The following ATAD2 variants were observed in gnomAD, a reference collection of about 807,000 sequenced individuals.
ATAD2 encodes ATPase family AAA domain-containing protein 2.
In ATAD2, 62 loss-of-function variants were observed where a neutral mutation model predicts 168.9. That is an observed-to-expected ratio of 0.37 (90% CI 0.30 to 0.45). The LOEUF (loss-of-function observed/expected upper bound fraction) is 0.45, where lower values mean the gene tolerates loss of function less well. Among genes scored for constraint, ATAD2 ranks in the 20% least tolerant of loss-of-function variants. The probability of loss-of-function intolerance (pLI) is 1.00; values close to 1 mark genes in which losing one functional copy is unlikely to be tolerated. For missense variants in ATAD2, 1,419 were observed against 1,667.8 expected, an observed-to-expected ratio of 0.85 and a Z score of 2.60; for synonymous variants, 613 against 571.6, an observed-to-expected ratio of 1.07 and a Z score of -1.03.
chr8:123,327,935 A>G (rs1035833910), intron 25 of ATAD2, among the ~76,000 whole-genome samples: 2 of 152,228 alleles, frequency 1.3e-5, no homozygotes, highest in Non-Finnish European at 2.9e-5. Flanking sequence ...ACAGGCTGAC[A>G]AGTTAAGTAT....
intron 8 of ATAD2, among the ~76,000 whole-genome samples, 158 bp downstream of exon 8, chr8:123,368,899 TA>T (rs1160453601): frequency 6.6e-6 from 1 of 152,102 alleles, no homozygotes; most frequent in Non-Finnish European, 1.5e-5. Context: ...TAGTCAGTGG[TA>T]CTGGGGATTA....
Position 123,346,710 on chromosome 8 carries a change from A to G in ATAD2, c.2253T>C (p.Ser751=). Residue 751 remains serine (S), a synonymous_variant, in exon 17 of 28, where the codon AGT becomes AGC. Coordinates refer to ENST00000287394, the MANE Select transcript of ATAD2 (RefSeq NM_014109.4). ...CPLLESDLAY[S]DDDVPSVYEN... is the part of the protein sequence containing the mutation. ...CATAAACTGATGGAACATCATCATC[A>G]CTGTAAGCCAAGTCACTTTCTAGCA... is the stretch of plus-strand genomic sequence containing the variant. 1 of 1,594,976 alleles carries G rather than the reference A, an allele frequency of 6.3e-7. No homozygotes were observed. Among genetic ancestry groups the G allele is most frequent in the Non-Finnish European group, 8.5e-7 (1 of 1,173,130 alleles).
intron 1 of ATAD2, among the ~76,000 whole-genome samples, chr8:123,389,379 T>TGC (rs1829743842): frequency 7.0e-6 from 1 of 143,518 alleles, no homozygotes; most frequent in Admixed American, 6.9e-5. Flanking sequence ...GTGGCTCACA[T>TGC]CTGTAATCCC....
intron 12 of ATAD2, among the ~76,000 whole-genome samples, chr8:123,356,987 A>G (rs1323004422): frequency 6.6e-6 from 1 of 152,218 alleles, no homozygotes; most frequent in Non-Finnish European, 1.5e-5. Context: ...TTATTGAACT[A>G]TGGAAACAAG....
chr8:123,366,670 T>C (rs923165381), intron 8 of ATAD2, among the ~76,000 whole-genome samples: 1 of 152,040 alleles, frequency 6.6e-6, no homozygotes, highest in East Asian at 1.9e-4. Context: ...CACTAATAAG[T>C]GGGAGCTAAG....
chr8:123,349,323 A>G lies in ATAD2; in HGVS notation c.1768T>C (p.Phe590Leu), dbSNP rs1738593909. 9.9e-6 allele frequency: 16 copies of G among 1,613,992 alleles called. No homozygotes were observed. Among genetic ancestry groups the G allele is most frequent in the Non-Finnish European group, 1.4e-5 (16 of 1,179,980 alleles). The part of the protein sequence containing the change: ...IDPALRRPGR[F>L]DREFLFSLPD... ...AGGCTAAAGAGGAATTCTCTATCAA[A>G]GCGACCAGGCCTTCGTAAAGCAGGA... is the stretch of plus-strand genomic sequence containing the variant. Residue 590 changes from phenylalanine (F) to leucine (L), a missense_variant, in exon 14 of 28, where the codon TTT (phenylalanine) becomes CTT (leucine). By Grantham distance (22) the Phe-to-Leu change is conservative. Coordinates refer to ENST00000287394, the MANE Select transcript of ATAD2 (RefSeq NM_014109.4).
chr8:123,321,246 T>C, intron 27 of ATAD2, 71 bp from the exon 28 acceptor site: 2 of 1,314,680 alleles, frequency 1.5e-6, no homozygotes, highest in Non-Finnish European at 1.1e-6. Context: ...TTTCATTACT[T>C]TTTCAGTAAA....
chr8:123,382,626 AAAGTTC>A (rs1291268502), intron 1 of ATAD2, among the ~76,000 whole-genome samples: 9 of 152,356 alleles, frequency 5.9e-5, no homozygotes, highest in African/African-American at 2.2e-4. Flanking sequence ...TTTAAAAAAG[AAAGTTC>A]TAAAACCACA....
upstream of ATAD2, among the ~76,000 whole-genome samples, chr8:123,398,484 G>A (rs1312561982): frequency 1.3e-5 from 2 of 151,550 alleles, no homozygotes; most frequent in Non-Finnish European, 2.9e-5. Flanking sequence ...ACCTGCCTTG[G>A]CCTCCCAAAG....
At chr8:123,389,980 A>ATG in intron 1 of ATAD2, among the ~76,000 whole-genome samples, 1 of 110,782 alleles carries the variant, frequency 9.0e-6, no homozygotes, top group South Asian at 2.6e-4. Flanking sequence ...ATATATATAT[A>ATG]TATATTTTTT....
chr8:123,366,367 G>A lies in ATAD2; in HGVS notation c.1049+2691C>T, dbSNP rs571060529. 3.3e-5 allele frequency among the ~76,000 whole-genome samples: 5 copies of A among 152,272 alleles called. No homozygotes were observed. In the East Asian group the frequency reaches 7.7e-4, roughly 23 times the overall value. ...AAACAGTGTGGAGATTCCCTAAAGA[G>A]TTAAAAGTAGAACTACCATTTGATC... On this transcript the variant is annotated intron_variant, in intron 8 of 27. Transcript: ENST00000287394.
intron 24 of ATAD2, 132 bp downstream of exon 24, chr8:123,333,746 T>C (rs1479361027): frequency 1.2e-5 from 12 of 1,032,064 alleles, no homozygotes; most frequent in Non-Finnish European, 1.6e-5. Context: ...GAATGCAAAG[T>C]TGTCTTAATA....
intron 1 of ATAD2, 122 bp downstream of exon 1, chr8:123,396,065 A>C: frequency 8.7e-7 from 1 of 1,150,724 alleles, no homozygotes; most frequent in Non-Finnish European, 1.2e-6. Flanking sequence ...CCTCGACCAC[A>C]CTTCTCCCCC....
At chr8:123,379,870 G>GTAT (rs200843075) in intron 2 of ATAD2, among the ~76,000 whole-genome samples, 14,394 of 135,162 alleles carry the variant, frequency 0.11, 1,098 homozygotes, top group East Asian at 0.24. Context: ...GCCCGGCCAC[G>GTAT]TATTATTATT....
At chr8:123,416,207 T>G (rs563279821) in intron 1 of ATAD2, 1 of 152,428 alleles carries the variant, frequency 6.6e-6, no homozygotes, top group African/African-American at 2.4e-5. Flanking sequence ...TGCAGAAGCG[T>G]GGATTTTCAC....
chr8:123,385,838 A>T (rs534396834), intron 1 of ATAD2, among the ~76,000 whole-genome samples: 1 of 152,146 alleles, frequency 6.6e-6, no homozygotes, highest in Non-Finnish European at 1.5e-5. Flanking sequence ...ATATTTAAAG[A>T]ACTCCTTTGC....
chr8:123,358,530 T>C (rs1223692976), intron 11 of ATAD2, among the ~76,000 whole-genome samples: 4 of 151,914 alleles, frequency 2.6e-5, no homozygotes, highest in Non-Finnish European at 5.9e-5. Context: ...GTATTTTTAG[T>C]AAAGACAGGG....
Position 123,336,368 on chromosome 8 carries a change from C to T in ATAD2, c.3211+5G>A. ...CCCCCTGAAAAAAAATTCACTAATG[C>T]TCACCTCCAGGATCTCTATCTGGAT... On this transcript the variant is annotated splice_donor_5th_base_variant and intron_variant, in intron 22 of 27. Coordinates refer to ENST00000287394, the MANE Select transcript of ATAD2 (RefSeq NM_014109.4). 1.3e-6 allele frequency: 2 copies of T among 1,571,616 alleles called. No homozygotes were observed. Among genetic ancestry groups the T allele is most frequent in the Non-Finnish European group, 8.6e-7 (1 of 1,167,346 alleles).
rs768025953 is a variant in ATAD2, at chr8:123,369,150, G to A, written c.957C>T (p.Asn319=). Residue 319 remains asparagine, a synonymous_variant, in exon 8 of 28, where the codon AAC becomes AAT. Transcript: ENST00000287394. The stretch of plus-strand genomic sequence containing the variant: ...GAGAAGCTGGGCCACTATAAAATAT[G>A]TTGGGCTTTCTCTGGTGACGAGGTT... ...LEKPRHQRKP[N]IFYSGPASPA... 1 of 1,561,198 alleles carries A rather than the reference G, an allele frequency of 6.4e-7. No homozygotes were observed. Among genetic ancestry groups the A allele is most frequent in the Non-Finnish European group, 8.7e-7 (1 of 1,147,906 alleles).
Sources: allele counts gnomAD v4.1 joint callset (sites outside exome capture counted in the v4.1 genomes callset), GRCh38; gene constraint gnomAD v4.1.1; transcripts MANE v1.5; gene names NCBI Gene and HGNC (gene_info 2026-07-23, HGNC 2026-07-21).